GLMP: variants seen among roughly 807,000 people sequenced by gnomAD.
The protein encoded by GLMP is kidney lysosomal membrane protein.
GLMP carries 36 observed loss-of-function variants against 39.2 expected under a neutral mutation model. The observed-to-expected ratio is 0.92, with a 90% confidence interval of 0.70 to 1.21. The LOEUF is 1.21. Ranked by LOEUF, GLMP falls within the 50% of genes most tolerant of loss-of-function variation. The pLI is 0.00. For missense variants in GLMP, 454 were observed against 505.6 expected, an observed-to-expected ratio of 0.90 and a Z score of 0.98; for synonymous variants, 220 against 218.9, an observed-to-expected ratio of 1.01 and a Z score of -0.04.
At chr1:156,294,617 G>A (rs989460748) in intron 2 of GLMP, 52 bp from the exon 3 acceptor site, 2 of 1,607,268 alleles carry the variant, frequency 1.2e-6, no homozygotes, top group African/African-American at 1.3e-5. Flanking sequence ...TTTCTCCCGA[G>A]ACCACACCTC....
intron 4 of GLMP, 103 bp downstream of exon 4, chr1:156,293,915 C>G: frequency 2.1e-6 from 3 of 1,412,224 alleles, no homozygotes; most frequent in Non-Finnish European, 3.0e-6. Context: ...TTAAACGACC[C>G]AAAGAAAGTG....
At position 156,293,145 on chromosome 1, in the gene GLMP, T is replaced by C. The variant is rs1424532411; in HGVS notation, c.1120A>G (p.Met374Val). ...CCTGGGGCACCCAGGGCCACTGCCA[T>C]GATGCCCAGGACTAGTGGGGACAAG... is the stretch of plus-strand genomic sequence containing the variant. ...DGLSPLVLGI[M>V]AVALGAPGLM... is the part of the protein sequence containing the mutation. The change falls in exon 6 of 6, where the codon ATG becomes GTG. Residue 374 changes from methionine to valine, a missense_variant. Coordinates refer to ENST00000362007, the MANE Select transcript of GLMP (RefSeq NM_144580.3). 1 of 1,613,970 alleles carries C rather than the reference T, an allele frequency of 6.2e-7. No homozygotes were observed. The highest frequency in any genetic ancestry group is 8.5e-7 in the Non-Finnish European group (1 of 1,180,018).
In GLMP at chr1:156,293,077, G is replaced by C. The variant is rs1291920237; in HGVS notation, c.1188C>G (p.His396Gln). The C allele has an allele frequency of 1.2e-6, 2 of 1,614,014 alleles. No individual in the cohort carries two copies. Among genetic ancestry groups the C allele is most frequent in the Non-Finnish European group, 1.7e-6 (2 of 1,180,050 alleles). ...LGGGLVLLLH[H>Q]KKYSEYQSIN ...TGGACTGGTACTCTGAGTACTTCTTGTGGTGCAGCAGCAGAACCAAGCCGC... is the reference window on the plus strand; with the variant it reads ...TGGACTGGTACTCTGAGTACTTCTTCTGGTGCAGCAGCAGAACCAAGCCGC... Residue 396 changes from histidine (H) to glutamine (Q), a missense_variant, in exon 6 of 6, where the codon CAC becomes CAG. Physicochemically the swap from His to Gln is conservative, Grantham distance 24 (BLOSUM62 0). Transcript: ENST00000362007.
rs1663535777 is a variant in GLMP at position 156,294,805 on chromosome 1, A to G, written c.332T>C (p.Leu111Pro). 1 of 1,581,712 alleles carries G rather than the reference A, an allele frequency of 6.3e-7. No individual in the cohort carries two copies. Among genetic ancestry groups the G allele is most frequent in the East Asian group, 2.2e-5 (1 of 44,506 alleles). The part of the protein sequence containing the change: ...SPEPDGGLMV[L>P]PKDSIQFSSA... ...AGAAAACTGAATGCTGTCCTTAGGGAGCACCATCAGGCCCCCATCGGGCTC... is the reference window on the plus strand; with the variant it reads ...AGAAAACTGAATGCTGTCCTTAGGGGGCACCATCAGGCCCCCATCGGGCTC... The change falls in exon 2 of 6, where the codon CTC becomes CCC. Residue 111 changes from leucine to proline, a missense_variant. Physicochemically the swap from Leu to Pro is moderately conservative, Grantham distance 98. Coordinates refer to ENST00000362007, the MANE Select transcript of GLMP (RefSeq NM_144580.3).
rs567266121 is a variant in GLMP at position 156,294,520 on chromosome 1, G to A, written c.424C>T (p.Pro142Ser). Residue 142 changes from proline (P) to serine (S), a missense_variant, in exon 3 of 6, where the codon CCT (proline) becomes TCT (serine). Coordinates refer to ENST00000362007, the MANE Select transcript of GLMP (RefSeq NM_144580.3). ...TATGGAGGATATGGTCTTCCCAAAG[G>A]CTTTGCTGCCGTATCGGACACGTTG... is the stretch of plus-strand genomic sequence containing the variant. ...STNVSDTAAK[P>S]LGRPYPPYSL... 4 of 1,614,072 alleles carry A rather than the reference G, an allele frequency of 2.5e-6. No homozygotes were observed. In the African/African-American group the frequency reaches 4.0e-5, roughly 16 times the overall value.
In GLMP at chr1:156,295,572, A is replaced by G. The variant is rs772464437; in HGVS notation, c.74T>C (p.Leu25Pro). The G allele has an allele frequency of 5.1e-6, 8 of 1,557,400 alleles. No homozygotes were observed. In the African/African-American group the frequency reaches 9.7e-5, roughly 19 times the overall value. Residue 25 changes from leucine (L) to proline (P), a missense_variant, in exon 1 of 6, where the codon CTT becomes CCT. Coordinates refer to ENST00000362007, the MANE Select transcript of GLMP (RefSeq NM_144580.3). ...APSPLLLWTL[L>P]LFAAPFGLLG... ...CAGGCCAAATGGGGCTGCAAACAGAAGTAGAGTCCAAAGGAGCAGGGGGCT... is the reference window on the plus strand; with the variant it reads ...CAGGCCAAATGGGGCTGCAAACAGAGGTAGAGTCCAAAGGAGCAGGGGGCT...
At chr1:156,295,101 G>T in intron 1 of GLMP, 85 bp from the exon 2 acceptor site, 1 of 1,162,198 alleles carries the variant, frequency 8.6e-7, no homozygotes, top group Non-Finnish European at 1.2e-6. Flanking sequence ...AGGGGGGCTT[G>T]GAAAGTGCTG....
Position 156,293,311 on chromosome 1 carries a change from G to A in GLMP, c.1055+9C>T. 1 of 1,614,082 alleles carries A rather than the reference G, an allele frequency of 6.2e-7. No homozygotes were observed. The highest frequency in any genetic ancestry group is 1.1e-5 in the South Asian group (1 of 91,086). On this transcript the variant is annotated intron_variant, in intron 5 of 5. Coordinates refer to ENST00000362007, the MANE Select transcript of GLMP (RefSeq NM_144580.3). ...TCCCCAAGTCCCCGGCCCAAACCCT[G>A]GCTCTCACCAGCTGAGGTAGTGTTG...
intron 1 of GLMP, chr1:156,295,290 C>G (rs1334062998): frequency 1.5e-6 from 2 of 1,345,782 alleles, no homozygotes; most frequent in Non-Finnish European, 1.9e-6. Flanking sequence ...AAACATTCAA[C>G]ACTTGCCTGG....
rs1223559820 is a variant in GLMP, at chr1:156,293,106, C to G, written c.1159G>C (p.Gly387Arg). The stretch of plus-strand genomic sequence containing the variant: ...TGCAGCAGCAGAACCAAGCCGCCCC[C>G]TAGCAGCATGAGCCCTGGGGCACCC... The part of the protein sequence containing the change: ...ALGAPGLMLL[G>R]GGLVLLLHHK... The change falls in exon 6 of 6, where the codon GGG becomes CGG. Residue 387 changes from glycine (G) to arginine (R), a missense_variant. Coordinates refer to ENST00000362007, the MANE Select transcript of GLMP (RefSeq NM_144580.3). The G allele has an allele frequency of 6.2e-7, 1 of 1,614,118 alleles. No homozygotes were observed. Among genetic ancestry groups the G allele is most frequent in the Non-Finnish European group, 8.5e-7 (1 of 1,180,016 alleles).
At position 156,293,308 on chromosome 1, in the gene GLMP, C is replaced by T. The variant is rs1663432499; in HGVS notation, c.1055+12G>A. On this transcript the variant is annotated intron_variant, in intron 5 of 5. Transcript: ENST00000362007. ...AACTCCCCAAGTCCCCGGCCCAAACCCTGGCTCTCACCAGCTGAGGTAGTG... is the reference window on the plus strand; with the variant it reads ...AACTCCCCAAGTCCCCGGCCCAAACTCTGGCTCTCACCAGCTGAGGTAGTG... 1.2e-6 allele frequency: 2 copies of T among 1,614,070 alleles called. No individual in the cohort carries two copies. The highest frequency in any genetic ancestry group is 1.3e-5 in the African/African-American group (1 of 75,034).
rs768516789 is a variant in GLMP at position 156,293,681 on chromosome 1, T to C, written c.799-105A>G. The C allele has an allele frequency of 2.6e-6, 4 of 1,565,980 alleles. No homozygotes were observed. In the South Asian group the frequency reaches 4.7e-5, roughly 18 times the overall value. On this transcript the variant is annotated intron_variant, in intron 4 of 5. Transcript: ENST00000362007. Reference sequence around the variant, plus strand: ...ATTCTGTGACTAGCAGCAGGAGTCCTGAGTCCTAGGCAGGGCCTCAATCCC... The same window carrying C: ...ATTCTGTGACTAGCAGCAGGAGTCCCGAGTCCTAGGCAGGGCCTCAATCCC...
chr1:156,293,581 G>A lies in GLMP; in HGVS notation c.799-5C>T. 6.2e-7 allele frequency: 1 copy of A among 1,614,076 alleles called. No homozygotes were observed. The highest frequency in any genetic ancestry group is 2.2e-5 in the East Asian group (1 of 44,862). The stretch of plus-strand genomic sequence containing the variant: ...GCCCCACAGTAGCTGGTCCAACTGG[G>A]AAGAAAGGCAAACAAGGGAGGGTAA... On this transcript the variant is annotated splice_polypyrimidine_tract_variant and splice_region_variant and intron_variant, in intron 4 of 5. Transcript: ENST00000362007.
rs780083290 is a variant in GLMP, at chr1:156,294,141, G to C, written c.675C>G (p.Ala225=). 1 of 1,614,090 alleles carries C rather than the reference G, an allele frequency of 6.2e-7. No homozygotes were observed. Among genetic ancestry groups the C allele is most frequent in the South Asian group, 1.1e-5 (1 of 91,086 alleles). The change falls in exon 4 of 6, where the codon GCC becomes GCG. Residue 225 remains alanine (A), a synonymous_variant. Coordinates refer to ENST00000362007, the MANE Select transcript of GLMP (RefSeq NM_144580.3). The part of the protein sequence containing the change: ...TCQLEVALIG[A]SPRGNRSLFG... Reference sequence around the variant, plus strand: ...ACAGGGAACGGTTTCCCCGGGGAGAGGCTCCAATCAGGGCCACCTCTAGCT... The same window carrying C: ...ACAGGGAACGGTTTCCCCGGGGAGACGCTCCAATCAGGGCCACCTCTAGCT...
Position 156,294,479 on chromosome 1 carries a change from G to A in GLMP, c.465C>T (p.Phe155=), listed in dbSNP as rs1663516787. The change falls in exon 3 of 6, where the codon TTC becomes TTT. Residue 155 remains phenylalanine, a synonymous_variant. Coordinates refer to ENST00000362007, the MANE Select transcript of GLMP (RefSeq NM_144580.3). ...RPYPPYSLAD[F]SWNNITDSLD... is the part of the protein sequence containing the mutation. ...ATGAATCAGTGATGTTGTTCCAAGA[G>A]AAATCGGCCAAGGAGTATGGAGGAT... 2 of 1,614,050 alleles carry A rather than the reference G, an allele frequency of 1.2e-6. No individual in the cohort carries two copies. Among genetic ancestry groups the A allele is most frequent in the Admixed American group, 1.7e-5 (1 of 59,984 alleles).
At position 156,294,859 on chromosome 1, in the gene GLMP, C is replaced by T. The variant is rs1450946192; in HGVS notation, c.278G>A (p.Ser93Asn). ...VATNTPHSTL[S>N]VNWSLLLSPE... The stretch of plus-strand genomic sequence containing the variant: ...GGATAGCAGGAGGCTCCAGTTGACG[C>T]TCAGGGTGCTGTGGGGGGTGTTGGT... The change falls in exon 2 of 6, where the codon AGC (serine) becomes AAC (asparagine). Residue 93 changes from serine to asparagine, a missense_variant. Coordinates refer to ENST00000362007, the MANE Select transcript of GLMP (RefSeq NM_144580.3). 2 of 1,610,952 alleles carry T rather than the reference C, an allele frequency of 1.2e-6. No homozygotes were observed. Among genetic ancestry groups the T allele is most frequent in the East Asian group, 4.5e-5 (2 of 44,824 alleles).
Position 156,293,463 on chromosome 1 carries a change from A to T in GLMP, c.912T>A (p.Pro304=). The change falls in exon 5 of 6, where the codon CCT becomes CCA. Residue 304 remains proline (P), a synonymous_variant. Transcript: ENST00000362007. ...RESALPCQAS[P]LHPALAYSLP... is the part of the protein sequence containing the mutation. ...GAGAGTATGCTAAGGCAGGATGAAG[A>T]GGGGAAGCTTGGCAGGGCAGGGCTG... The T allele has an allele frequency of 1.2e-6, 2 of 1,614,184 alleles. No homozygotes were observed. Among genetic ancestry groups the T allele is most frequent in the Non-Finnish European group, 1.7e-6 (2 of 1,180,040 alleles).
Position 156,293,194 on chromosome 1 carries a change from A to G in GLMP, c.1071T>C (p.Gly357=). 2 of 1,613,414 alleles carry G rather than the reference A, an allele frequency of 1.2e-6. No individual in the cohort carries two copies. Among genetic ancestry groups the G allele is most frequent in the Non-Finnish European group, 1.7e-6 (2 of 1,179,700 alleles). ...QHYLSWSMLL[G]VGFPPVDGLS... is the part of the protein sequence containing the mutation. ...AGCCGTCCACTGGAGGGAAGCCCAC[A>G]CCCAGGAGCATCGACCTAGAGCAAG... The change falls in exon 6 of 6, where the codon GGT becomes GGC. Residue 357 remains glycine, a synonymous_variant. Coordinates refer to ENST00000362007, the MANE Select transcript of GLMP (RefSeq NM_144580.3).
At position 156,292,994 on chromosome 1, in the gene GLMP, A is replaced by T; in HGVS notation, c.*50T>A. ...TGATGCTCCAACCTCCAGAGTTTCG[A>T]GGCACAGCAAGACAGGTTCAGTAAT... On this transcript the variant is annotated 3_prime_UTR_variant, in exon 6 of 6. Coordinates refer to ENST00000362007, the MANE Select transcript of GLMP (RefSeq NM_144580.3). 6.3e-7 allele frequency: 1 copy of T among 1,578,550 alleles called. No homozygotes were observed. The highest frequency in any genetic ancestry group is 8.6e-7 in the Non-Finnish European group (1 of 1,158,454).
Sources: gnomAD v4.1 joint callset for allele counts on GRCh38, gnomAD v4.1.1 for gene constraint, MANE v1.5 for transcripts, NCBI Gene and HGNC (gene_info 2026-07-23, HGNC 2026-07-21) for gene names.